The following SSBP3 variants were observed in gnomAD, a reference collection of about 807,000 sequenced individuals.
SSBP3 encodes the protein single stranded DNA binding protein 3, also known as single-stranded DNA-binding protein 3.
In SSBP3, 5 loss-of-function variants were observed where a neutral mutation model predicts 69.6. The ratio of observed to expected loss-of-function variants is 0.07; its 90% CI spans 0.04 to 0.15. SSBP3 has a LOEUF of 0.15. Among genes scored for constraint, SSBP3 ranks in the 10% least tolerant of loss-of-function variants. The probability of loss-of-function intolerance (pLI) is 1.00; values close to 1 mark genes in which losing one functional copy is unlikely to be tolerated. For synonymous variants in SSBP3, 196 were observed against 193.4 expected (o/e 1.01, Z -0.11); for missense variants, 312 against 534.0 (o/e 0.58, Z 4.10).
intron 4 of SSBP3, among the ~76,000 whole-genome samples, chr1:54,292,792 G>A (rs1416956710): frequency 6.6e-6 from 1 of 151,976 alleles, no homozygotes; most frequent in African/African-American, 2.4e-5. Context: ...TGTCTCTGGG[G>A]CAGGAAGGGT....
intron 4 of SSBP3, among the ~76,000 whole-genome samples, chr1:54,311,680 C>T (rs1646005368): frequency 6.6e-6 from 1 of 152,184 alleles, no homozygotes; most frequent in Non-Finnish European, 1.5e-5. Context: ...GGCAGCCTGA[C>T]CACACTGAGC....
intron 4 of SSBP3, among the ~76,000 whole-genome samples, chr1:54,351,370 G>A (rs767700702): frequency 1.3e-5 from 2 of 152,128 alleles, no homozygotes; most frequent in Admixed American, 6.5e-5. Flanking sequence ...CATTCCCAAG[G>A]TTACCGGAAG....
At chr1:54,343,610 C>T (rs888263356) in intron 4 of SSBP3, among the ~76,000 whole-genome samples, 5 of 152,134 alleles carry the variant, frequency 3.3e-5, no homozygotes, top group African/African-American at 9.7e-5. Context: ...GGCCTTATGG[C>T]GCACAATTAT....
rs200538399 is a variant in SSBP3, at chr1:54,235,273, GTTTTTTTTTTT to G, written c.927+3845_927+3855del. 3.3e-3 allele frequency among the ~76,000 whole-genome samples: 367 copies of G among 112,034 alleles called. 2 individuals carry two copies. Among genetic ancestry groups the G allele is most frequent in the Admixed American group, 4.9e-3 (50 of 10,114 alleles). 73.5% of individuals were successfully genotyped at this position (112,034 alleles called of 152,430 possible). ...GGGCTATCCCTGTCTAAGATGTCCA[GTTTTTTTTTTT>G]TTTTTTTTTTTTTTTGAGACAGAGT... On this transcript the variant is annotated intron_variant, in intron 14 of 17. Coordinates refer to ENST00000610401, the Ensembl canonical transcript of SSBP3.
intron 4 of SSBP3, among the ~76,000 whole-genome samples, chr1:54,389,195 C>T (rs971143591): frequency 7.9e-5 from 12 of 152,158 alleles, no homozygotes; most frequent in African/African-American, 2.7e-4. Context: ...TCATTTTCCA[C>T]ATTTCTTCAT....
At chr1:54,313,312 G>A (rs1391990932) in intron 4 of SSBP3, among the ~76,000 whole-genome samples, 1 of 152,116 alleles carries the variant, frequency 6.6e-6, no homozygotes, top group African/African-American at 2.4e-5. Context: ...AGGCAGCTGG[G>A]AGCACAGTCT....
intron 7 of SSBP3, among the ~76,000 whole-genome samples, chr1:54,253,186 GTTTTTGT>G (rs1644862092): frequency 3.5e-5 from 4 of 115,178 alleles, no homozygotes; most frequent in African/African-American, 1.5e-4. Context: ...TTTTTTTTTA[GTTTTTGT>G]TTTTTTTTTT....
intron 7 of SSBP3, among the ~76,000 whole-genome samples, chr1:54,253,083 G>A (rs1231468975): frequency 1.3e-5 from 2 of 152,108 alleles, no homozygotes; most frequent in Non-Finnish European, 2.9e-5. Flanking sequence ...ATGGAACAGG[G>A]GAGCGGGTAT....
chr1:54,349,594 A>G (rs1238991000), intron 4 of SSBP3, among the ~76,000 whole-genome samples: 1 of 152,126 alleles, frequency 6.6e-6, no homozygotes, highest in Admixed American at 6.5e-5. Context: ...AGCCTTGAAA[A>G]GGCATGTTGG....
At chr1:54,304,903 C>T (rs1645869870) in intron 4 of SSBP3, among the ~76,000 whole-genome samples, 1 of 152,188 alleles carries the variant, frequency 6.6e-6, no homozygotes, top group African/African-American at 2.4e-5. Context: ...AACACATTCT[C>T]AGAGCCTGGA....
At chr1:54,352,157 AC>A (rs1399953836) in intron 4 of SSBP3, among the ~76,000 whole-genome samples, 1 of 125,910 alleles carries the variant, frequency 7.9e-6, no homozygotes, top group Non-Finnish European at 1.7e-5. Flanking sequence ...CAACAACCAA[AC>A]CCCACCCCCG....
chr1:54,369,340 T>C (rs1342217322), intron 4 of SSBP3, among the ~76,000 whole-genome samples: 1 of 149,538 alleles, frequency 6.7e-6, no homozygotes, highest in Non-Finnish European at 1.5e-5. Context: ...GAGGCCTGCC[T>C]ATGCAGGAAG....
At chr1:54,263,281 C>T (rs374954809) in intron 5 of SSBP3, among the ~76,000 whole-genome samples, 13 of 152,212 alleles carry the variant, frequency 8.5e-5, no homozygotes, top group Non-Finnish European at 1.6e-4. Flanking sequence ...CCCAGCCCTC[C>T]CGCACGCTCC....
At position 54,258,108 on chromosome 1, in the gene SSBP3, T is replaced by C. The variant is rs751074720; in HGVS notation, c.408A>G (p.Pro136=). The change falls in exon 6 of 18, where the codon CCA becomes CCG. Residue 136 remains proline, a synonymous_variant. Coordinates refer to ENST00000610401, the Ensembl canonical transcript of SSBP3. This position sits in a 1 kb window ranked among gnomAD's most constrained non-coding sequence, Gnocchi z 4.5. ...CCATCATGCTGCTAGGATTGTGAGG[T>C]GGAGGCTGTGCGTGCGGCGAGGGCT... The C allele has an allele frequency of 1.3e-6, 2 of 1,598,140 alleles. No homozygotes were observed. Among genetic ancestry groups the C allele is most frequent in the Non-Finnish European group, 1.7e-6 (2 of 1,173,984 alleles).
intron 4 of SSBP3, among the ~76,000 whole-genome samples, chr1:54,384,618 C>T (rs1647942861): frequency 6.6e-6 from 1 of 152,224 alleles, no homozygotes; most frequent in Non-Finnish European, 1.5e-5. Flanking sequence ...AGAATGGCAG[C>T]AAGTGCTCCA....
intron 7 of SSBP3, chr1:54,255,567 C>G (rs896815934): frequency 1.3e-5 from 2 of 152,184 alleles, no homozygotes; most frequent in East Asian, 3.8e-4. Context: ...CAGCCCAGCT[C>G]ACTTTGGGAA....
At chr1:54,275,408 G>A (rs1645266861) in intron 5 of SSBP3, among the ~76,000 whole-genome samples, 1 of 152,254 alleles carries the variant, frequency 6.6e-6, no homozygotes, top group African/African-American at 2.4e-5. Flanking sequence ...TCAGCAAAGA[G>A]AGGCCTTTCC....
chr1:54,402,486 ATC>A (rs920943777), intron 3 of SSBP3, among the ~76,000 whole-genome samples: 2 of 152,136 alleles, frequency 1.3e-5, no homozygotes, highest in African/African-American at 4.8e-5. Context: ...CAGGCTCTTA[ATC>A]CCAGAGCCCG....
intron 3 of SSBP3, 32 bp from the exon 4 acceptor site, chr1:54,401,977 T>G: frequency 1.3e-6 from 2 of 1,585,460 alleles, no homozygotes; most frequent in Non-Finnish European, 1.7e-6. Context: ...AAGGTCAGGT[T>G]ACTAATTATT....
Sources: allele counts gnomAD v4.1 joint callset (sites outside exome capture counted in the v4.1 genomes callset), GRCh38; gene constraint gnomAD v4.1.1; non-coding constraint Gnocchi (gnomAD v3.1); transcripts MANE v1.5; gene names NCBI Gene and HGNC (gene_info 2026-07-23, HGNC 2026-07-21).